The following PIP5K1C variants were observed in gnomAD, a reference collection of about 807,000 sequenced individuals.
PIP5K1C encodes the protein phosphatidylinositol-4-phosphate 5-kinase type 1 gamma, also known as phosphatidylinositol 4-phosphate 5-kinase type-1 gamma.
Under a neutral mutation model 80.1 loss-of-function variants are expected in PIP5K1C, and 45 were observed. The observed-to-expected ratio is 0.56, with a 90% CI of 0.44 to 0.72. The LOEUF is 0.72. PIP5K1C is among the 30% of genes least tolerant of loss of function. The pLI, the probability that PIP5K1C is intolerant of heterozygous loss-of-function variation, is 0.00. For synonymous variants in PIP5K1C, 498 were observed against 420.1 expected, an observed-to-expected ratio of 1.19 and a Z score of -2.27; for missense variants, 753 against 954.6, an observed-to-expected ratio of 0.79 and a Z score of 2.78.
At chr19:3,686,680 T>C (rs1460807836) in intron 1 of PIP5K1C, among the ~76,000 whole-genome samples, 1 of 151,526 alleles carries the variant, frequency 6.6e-6, no homozygotes, top group Non-Finnish European at 1.5e-5. Context: ...ATCGCACCAT[T>C]GCACTCCAGC....
intron 16 of PIP5K1C, chr19:3,636,406 G>T (rs1469663570): frequency 1.0e-6 from 1 of 985,308 alleles, no homozygotes; most frequent in Non-Finnish European, 1.2e-6. Context: ...TTCCGCTTCT[G>T]CTGTGCCTGC....
chr19:3,671,318 C>T (rs1001240744), intron 1 of PIP5K1C, among the ~76,000 whole-genome samples: 1 of 152,258 alleles, frequency 6.6e-6, no homozygotes, highest in African/African-American at 2.4e-5. Context: ...TCCCTACGGC[C>T]CCGGGACCCA....
At chr19:3,671,874 C>T (rs918293697) in intron 1 of PIP5K1C, among the ~76,000 whole-genome samples, 6 of 152,250 alleles carry the variant, frequency 3.9e-5, no homozygotes, top group South Asian at 2.1e-4. Context: ...CAGCCTGAGA[C>T]GTGACTAATT....
At position 3,632,824 on chromosome 19, in the gene PIP5K1C, G is replaced by T; in HGVS notation, c.*343C>A. The T allele has an allele frequency of 3.0e-6, 1 of 335,896 alleles. No individual in the cohort carries two copies. Among genetic ancestry groups the T allele is most frequent in the Non-Finnish European group, 5.4e-6 (1 of 184,834 alleles). 20.8% of individuals were successfully genotyped at this position (335,896 alleles called of 1,614,324 possible). On this transcript the variant is annotated 3_prime_UTR_variant, in exon 18 of 18. Coordinates refer to ENST00000335312, the MANE Select transcript of PIP5K1C (RefSeq NM_012398.3). ...AGAGAACCAAAGAGTGCAGTGGGCA[G>T]GGGCTCTTCTCCCTCTGGTTGGTTT...
intron 1 of PIP5K1C, among the ~76,000 whole-genome samples, chr19:3,694,957 T>C (rs1377100580): frequency 6.6e-6 from 1 of 152,240 alleles, no homozygotes; most frequent in Non-Finnish European, 1.5e-5. Context: ...GCCCCAAGCA[T>C]GGCCACTCAG....
At chr19:3,690,061 G>A (rs1208517878) in intron 1 of PIP5K1C, among the ~76,000 whole-genome samples, 3 of 152,008 alleles carry the variant, frequency 2.0e-5, no homozygotes, top group Non-Finnish European at 4.4e-5. Flanking sequence ...CAGAGATGGA[G>A]AGGGTGAGGT....
chr19:3,698,547 G>A (rs948779848), intron 1 of PIP5K1C, among the ~76,000 whole-genome samples: 1 of 152,230 alleles, frequency 6.6e-6, no homozygotes, highest in African/African-American at 2.4e-5. Flanking sequence ...TGCCCCCAGG[G>A]GACACTGAAC....
intron 7 of PIP5K1C, 134 bp from the exon 8 acceptor site, chr19:3,652,165 G>A (rs2034476185): frequency 4.2e-6 from 3 of 721,892 alleles, no homozygotes; most frequent in Middle Eastern, 2.6e-4. Context: ...CCACGGCCAG[G>A]CAGGAGTGGG....
rs770029124 is a variant in PIP5K1C at position 3,644,169 on chromosome 19, C to A, written c.1428G>T (p.Ser476=). The stretch of plus-strand genomic sequence containing the variant: ...CCCGCTCGCTAGGGATCTGGCTGGC[C>A]GAGAAGGCAGCGGTGGGCCCCAGCG... The part of the protein sequence containing the change: ...VKPLGPTAAF[S]ASQIPSEREE... Residue 476 remains serine (S), a synonymous_variant, in exon 12 of 18, where the codon TCG becomes TCT. Transcript: ENST00000335312. The A allele has an allele frequency of 1.2e-6, 2 of 1,612,184 alleles. No homozygotes were observed. The highest frequency in any genetic ancestry group is 2.7e-5 in the African/African-American group (2 of 74,922).
At chr19:3,659,915 G>A (rs551241139) in intron 5 of PIP5K1C, among the ~76,000 whole-genome samples, 4 of 152,304 alleles carry the variant, frequency 2.6e-5, no homozygotes, top group East Asian at 3.9e-4. Context: ...TCCCGGCCCC[G>A]GGGACCGTGC....
At chr19:3,662,312 C>G (rs920036953) in intron 3 of PIP5K1C, among the ~76,000 whole-genome samples, 6 of 152,234 alleles carry the variant, frequency 3.9e-5, no homozygotes, top group African/African-American at 4.8e-5. Context: ...CATTTTGAAA[C>G]AGCTCCAACT....
intron 1 of PIP5K1C, among the ~76,000 whole-genome samples, chr19:3,700,048 G>A (rs1367366268): frequency 2.0e-5 from 3 of 152,188 alleles, no homozygotes; most frequent in Admixed American, 2.0e-4. Context: ...GGGATCCCCA[G>A]CGGCGCCCAC....
chr19:3,651,524 C>T (rs1204479104), intron 8 of PIP5K1C, among the ~76,000 whole-genome samples: 3 of 152,222 alleles, frequency 2.0e-5, no homozygotes, highest in East Asian at 1.9e-4. Flanking sequence ...TGAGTGCCAC[C>T]GGGAAACGCT....
At chr19:3,689,289 C>A (rs1363711382) in intron 1 of PIP5K1C, among the ~76,000 whole-genome samples, 1 of 152,186 alleles carries the variant, frequency 6.6e-6, no homozygotes, top group Non-Finnish European at 1.5e-5. Flanking sequence ...AGGAACCCGA[C>A]CTTGGGTTTC....
intron 1 of PIP5K1C, among the ~76,000 whole-genome samples, chr19:3,675,304 T>C (rs1001878543): frequency 2.0e-5 from 3 of 152,130 alleles, no homozygotes; most frequent in African/African-American, 4.8e-5. Context: ...TGCAAAAGCA[T>C]TGCCCAGTGA....
intron 1 of PIP5K1C, among the ~76,000 whole-genome samples, chr19:3,673,029 C>T (rs1314109142): frequency 6.7e-6 from 1 of 148,996 alleles, no homozygotes; most frequent in African/African-American, 2.5e-5. Flanking sequence ...CCACCCACCC[C>T]GCCCCCACCG....
rs1308550298 is a variant in PIP5K1C at position 3,633,917 on chromosome 19, C to T, written c.1921-397G>A. ...ATCCTGCCTGTGCCACGGGCACCAG[C>T]GCACAGGCTCCTGGAAGCTCTCTAT... On this transcript the variant is annotated intron_variant, in intron 16 of 17. Transcript: ENST00000335312. Among the ~76,000 whole-genome samples, 11 of 152,216 alleles carry T rather than the reference C, an allele frequency of 7.2e-5. No homozygotes were observed. The East Asian group carries it at 1.5e-3, about 21-fold the overall frequency.
intron 7 of PIP5K1C, 127 bp from the exon 8 acceptor site, chr19:3,652,158 C>CTCCTGCCT: frequency 1.3e-6 from 1 of 776,590 alleles, no homozygotes; most frequent in Non-Finnish European, 2.1e-6. Context: ...TGGAGTCCCA[C>CTCCTGCCT]GGCCAGGCAG....
intron 1 of PIP5K1C, among the ~76,000 whole-genome samples, chr19:3,687,828 G>C (rs1009975655): frequency 7.3e-5 from 11 of 151,622 alleles, no homozygotes; most frequent in Non-Finnish European, 1.3e-4. Flanking sequence ...CGCTTTCCCC[G>C]CAGCAGGTGG....
Sources: gnomAD v4.1 joint callset for allele counts (sites outside exome capture counted in the v4.1 genomes callset) on GRCh38, gnomAD v4.1.1 for gene constraint, MANE v1.5 for transcripts, NCBI Gene and HGNC (gene_info 2026-07-23, HGNC 2026-07-21) for gene names.